Variants in STRN3 observed in about 807,000 individuals in gnomAD.
STRN3 encodes the protein striatin 3, also known as striatin-3.
A neutral mutation model predicts 95.6 loss-of-function variants in STRN3; 29 were observed. The observed-to-expected ratio is 0.30, with a 90% CI of 0.23 to 0.41. STRN3 has a LOEUF of 0.41. Ranked by LOEUF, STRN3 falls within the 10% of genes least tolerant of loss-of-function variation. The probability of loss-of-function intolerance (pLI) is 1.00; values close to 1 mark genes in which losing one functional copy is unlikely to be tolerated. For synonymous variants in STRN3, 331 were observed against 357.6 expected (o/e 0.93, Z 0.84); for missense variants, 890 against 972.1 (o/e 0.92, Z 1.12).
intron 5 of STRN3, among the ~76,000 whole-genome samples, chr14:30,942,964 A>G (rs1172486838): frequency 6.6e-6 from 1 of 152,218 alleles, no homozygotes. Flanking sequence ...AGTGATGGCT[A>G]GTAACTAGTG....
chr14:30,909,273 G>A (rs753973193), intron 13 of STRN3, among the ~76,000 whole-genome samples: 3 of 152,284 alleles, frequency 2.0e-5, no homozygotes, highest in Non-Finnish European at 2.9e-5. Context: ...GGGAGGCTGA[G>A]GCAGGCAGAT....
Position 30,919,081 on chromosome 14 carries a change from G to A in STRN3, c.1125C>T (p.Asp375=). 6.2e-7 allele frequency: 1 copy of A among 1,609,420 alleles called. No homozygotes were observed. Among genetic ancestry groups the A allele is most frequent in the East Asian group, 2.2e-5 (1 of 44,616 alleles). The change falls in exon 9 of 18, where the codon GAC becomes GAT. Residue 375 remains aspartate, a synonymous_variant. Coordinates refer to ENST00000357479, the MANE Select transcript of STRN3 (RefSeq NM_001083893.2). ...CATCATCTCCCAGATCAGCTATCAT[G>A]TCGTAGAGTTTTGTCCTGTTGGCCC... is the stretch of plus-strand genomic sequence containing the variant. ...VKRANRTKLY[D]MIADLGDDEL... is the part of the protein sequence containing the mutation.
chr14:31,003,819 T>TTC (rs1882588288), intron 1 of STRN3, among the ~76,000 whole-genome samples: 1 of 55,816 alleles, frequency 1.8e-5, no homozygotes, highest in Non-Finnish European at 4.6e-5. Context: ...AAAAAAAAAC[T>TTC]TGGTAGCAAA....
rs747917633 is a variant in STRN3 at position 30,936,444 on chromosome 14, T to C, written c.846+51A>G. 7 of 1,557,906 alleles carry C rather than the reference T, an allele frequency of 4.5e-6. No individual in the cohort carries two copies. In the East Asian group the frequency reaches 1.1e-4, roughly 25 times the overall value. ...ACTTAAGATATCTTAAAAATTCCCA[T>C]TCCAACTACATGAATATATAGCTAA... is the stretch of plus-strand genomic sequence containing the variant. On this transcript the variant is annotated intron_variant, in intron 6 of 17. Coordinates refer to ENST00000357479, the MANE Select transcript of STRN3 (RefSeq NM_001083893.2).
chr14:30,985,103 G>A (rs1254897474), intron 1 of STRN3, among the ~76,000 whole-genome samples: 2 of 151,592 alleles, frequency 1.3e-5, no homozygotes, highest in African/African-American at 4.9e-5. Context: ...GATCACCTGA[G>A]GTCAGGAGTT....
chr14:31,018,033 G>A (rs1883324332), intron 1 of STRN3, among the ~76,000 whole-genome samples: 1 of 149,260 alleles, frequency 6.7e-6, no homozygotes, highest in South Asian at 2.1e-4. Flanking sequence ...AGCCGGGATT[G>A]CGCCCACTGC....
At chr14:30,991,070 A>G (rs571337682) in intron 1 of STRN3, among the ~76,000 whole-genome samples, 12 of 152,206 alleles carry the variant, frequency 7.9e-5, no homozygotes, top group Non-Finnish European at 1.5e-4. Flanking sequence ...GATACAGTCT[A>G]ATCATTAGCT....
rs1244297489 is a variant in STRN3, at chr14:30,929,966, A to AAAAAAAAAAAAAAC, written c.989-669_989-656dup. Among the ~76,000 whole-genome samples the AAAAAAAAAAAAAAC allele has an allele frequency of 1.3e-3, 141 of 108,236 alleles. 5 individuals are homozygous for AAAAAAAAAAAAAAC. The highest frequency in any genetic ancestry group is 2.0e-3 in the Non-Finnish European group (114 of 55,654). 71.0% of individuals were successfully genotyped at this position (108,236 alleles called of 152,430 possible). ...CAACTAAGATTAGCAAAAAAAAAAAAAAAAAAAAAAAAACTCAAATTCCAC... is the reference window on the plus strand; with the variant it reads ...CAACTAAGATTAGCAAAAAAAAAAAAAAAAAAAAAAAAACAAAAAAAAAAAAACTCAAATTCCAC... On this transcript the variant is annotated intron_variant, in intron 7 of 17. Coordinates refer to ENST00000357479, the MANE Select transcript of STRN3 (RefSeq NM_001083893.2).
intron 1 of STRN3, among the ~76,000 whole-genome samples, chr14:30,980,596 C>T (rs755889520): frequency 5.9e-5 from 9 of 151,870 alleles, no homozygotes; most frequent in Non-Finnish European, 1.0e-4. Context: ...TTAGTAGAGA[C>T]GGGGTTTCAC....
intron 11 of STRN3, 24 bp downstream of exon 11, chr14:30,911,983 C>T (rs761986577): frequency 6.3e-7 from 1 of 1,596,330 alleles, no homozygotes; most frequent in East Asian, 2.2e-5. Context: ...AAGAAATACA[C>T]CAGGCTAACA....
At chr14:30,984,391 G>A (rs541435377) in intron 1 of STRN3, among the ~76,000 whole-genome samples, 5 of 149,280 alleles carry the variant, frequency 3.3e-5, no homozygotes, top group South Asian at 2.1e-4. Flanking sequence ...GCAACAGAGC[G>A]AGACTCCATC....
chr14:30,924,207 C>A (rs1896953200), intron 8 of STRN3, among the ~76,000 whole-genome samples: 1 of 90,260 alleles, frequency 1.1e-5, no homozygotes. Flanking sequence ...GTTTTCTGAA[C>A]TACTCAAAAA....
intron 1 of STRN3, among the ~76,000 whole-genome samples, chr14:30,964,024 G>A (rs1594505984): frequency 6.6e-6 from 1 of 152,290 alleles, no homozygotes; most frequent in South Asian, 2.1e-4. Context: ...GGCTGAGGCA[G>A]GCGGATCACT....
intron 1 of STRN3, among the ~76,000 whole-genome samples, chr14:30,996,865 CA>C (rs1239205843): frequency 0.013 from 1,652 of 127,952 alleles, 26 homozygotes; most frequent in African/African-American, 0.042. Flanking sequence ...GACTCCATCT[CA>C]AAAAAAAAAA....
In STRN3 at chr14:30,907,051, A is replaced by G. The variant is rs1416677762; in HGVS notation, c.1721-7T>C. The G allele has an allele frequency of 1.3e-6, 2 of 1,593,188 alleles. No homozygotes were observed. The highest frequency in any genetic ancestry group is 1.7e-6 in the Non-Finnish European group (2 of 1,174,296). On this transcript the variant is annotated splice_polypyrimidine_tract_variant and splice_region_variant and intron_variant, in intron 13 of 17. Transcript: ENST00000357479. ...CCAGCTAGAACATTTGGCTCTGGGG[A>G]AAAAACAAACAAACAAAAAATTAGG... is the stretch of plus-strand genomic sequence containing the variant.
Position 30,912,080 on chromosome 14 carries a change from G to C in STRN3, c.1477C>G (p.Pro493Ala), listed in dbSNP as rs1479254255. Reference sequence around the variant, plus strand: ...TCCTCAGAAGCAGTAACCAGCACAGGTTCTACAGGATGAAAAGCTAATGCC... The same window carrying C: ...TCCTCAGAAGCAGTAACCAGCACAGCTTCTACAGGATGAAAAGCTAATGCC... ...VRALAFHPVE[P>A]VLVTASEDHT... The change falls in exon 11 of 18, where the codon CCT (proline) becomes GCT (alanine). Residue 493 changes from proline to alanine, a missense_variant. Pro to Ala is a conservative substitution (Grantham distance 27). Around this residue, in one of 3 missense-constraint regions of STRN3, gnomAD observed 357 missense variants for 422.8 expected, o/e 0.84. Coordinates refer to ENST00000357479, the MANE Select transcript of STRN3 (RefSeq NM_001083893.2). The C allele has an allele frequency of 6.2e-7, 1 of 1,614,112 alleles. No individual in the cohort carries two copies. The highest frequency in any genetic ancestry group is 8.5e-7 in the Non-Finnish European group (1 of 1,179,988).
At chr14:30,898,195 T>A (rs1896208511) in intron 16 of STRN3, among the ~76,000 whole-genome samples, 1 of 151,902 alleles carries the variant, frequency 6.6e-6, no homozygotes, top group Admixed American at 6.6e-5. Context: ...TAGGCTGGTC[T>A]CAAACTCCTG....
intron 7 of STRN3, among the ~76,000 whole-genome samples, chr14:30,934,600 G>C (rs988971585): frequency 1.3e-5 from 2 of 152,004 alleles, no homozygotes; most frequent in Non-Finnish European, 2.9e-5. Flanking sequence ...CCAAAGTTTA[G>C]GCCCTAACAT....
chr14:30,954,731 C>A (rs1436304464), intron 3 of STRN3, among the ~76,000 whole-genome samples: 4 of 152,130 alleles, frequency 2.6e-5, no homozygotes, highest in Non-Finnish European at 1.5e-5. Context: ...AAAGACTTAT[C>A]TTGCTTTATA....
Sources: gnomAD v4.1 joint callset for allele counts (sites outside exome capture counted in the v4.1 genomes callset) on GRCh38, gnomAD v4.1.1 for gene constraint, gnomAD v4.1.1 regional missense constraint, MANE v1.5 for transcripts, NCBI Gene and HGNC (gene_info 2026-07-23, HGNC 2026-07-21) for gene names.